Variants in SH3PXD2A observed in about 807,000 individuals in gnomAD.
The protein encoded by SH3PXD2A is SH3 and PX domain-containing protein 2A.
Under a neutral mutation model 115.2 loss-of-function variants are expected in SH3PXD2A, and 32 were observed. That is an observed-to-expected ratio of 0.28 (90% CI 0.21 to 0.37). The LOEUF is 0.37. Ranked by LOEUF, SH3PXD2A falls within the 10% of genes least tolerant of loss-of-function variation. SH3PXD2A has a pLI of 1.00. For synonymous variants in SH3PXD2A, 610 were observed against 629.1 expected, an observed-to-expected ratio of 0.97 and a Z score of 0.45; for missense variants, 1,328 against 1,498.7, an observed-to-expected ratio of 0.89 and a Z score of 1.88.
chr10:103,743,996 A>G (rs1253676894), intron 3 of SH3PXD2A, among the ~76,000 whole-genome samples: 2 of 152,140 alleles, frequency 1.3e-5, no homozygotes, highest in Non-Finnish European at 2.9e-5. Flanking sequence ...AGGGGAGAAG[A>G]ACGGCGGAAC....
At chr10:103,804,802 C>T (rs1008959305) in intron 1 of SH3PXD2A, among the ~76,000 whole-genome samples, 3 of 152,074 alleles carry the variant, frequency 2.0e-5, no homozygotes, top group Admixed American at 6.5e-5. Flanking sequence ...GCTACAAAAC[C>T]GACTGACGGT....
chr10:103,845,794 A>G (rs1842841977), intron 1 of SH3PXD2A, among the ~76,000 whole-genome samples: 1 of 152,152 alleles, frequency 6.6e-6, no homozygotes, highest in African/African-American at 2.4e-5. Context: ...TGGTGATACA[A>G]TACGTGCCAA....
chr10:103,637,531 G>A (rs544670948), intron 8 of SH3PXD2A, among the ~76,000 whole-genome samples: 6 of 152,170 alleles, frequency 3.9e-5, no homozygotes, highest in Non-Finnish European at 5.9e-5. Context: ...ATATAGGCTC[G>A]GGGTGGGTGA....
chr10:103,689,281 A>G (rs779129593), intron 6 of SH3PXD2A, among the ~76,000 whole-genome samples: 21 of 152,012 alleles, frequency 1.4e-4, no homozygotes, highest in Non-Finnish European at 2.9e-4. Context: ...CTTCCTGGAG[A>G]GATGAAGGGG....
At chr10:103,674,607 G>A (rs530880923) in intron 6 of SH3PXD2A, among the ~76,000 whole-genome samples, 3 of 152,304 alleles carry the variant, frequency 2.0e-5, no homozygotes, top group East Asian at 3.9e-4. Context: ...AGATCAGGAG[G>A]TCAGGAGTTT....
At chr10:103,717,074 T>C (rs2038113804) in intron 5 of SH3PXD2A, among the ~76,000 whole-genome samples, 1 of 152,152 alleles carries the variant, frequency 6.6e-6, no homozygotes, top group Admixed American at 6.5e-5. Flanking sequence ...GCAGCAACGA[T>C]TCCCACTCTA....
At chr10:103,753,317 C>CA (rs60364879) in intron 3 of SH3PXD2A, among the ~76,000 whole-genome samples, 6,441 of 62,626 alleles carry the variant, frequency 0.1, 619 homozygotes, top group East Asian at 0.16. Flanking sequence ...CTGCCTCTAC[C>CA]AAAAAAAAAA....
At chr10:103,825,296 C>G (rs767087589) in intron 1 of SH3PXD2A, among the ~76,000 whole-genome samples, 3 of 152,072 alleles carry the variant, frequency 2.0e-5, no homozygotes, top group Non-Finnish European at 4.4e-5. Context: ...TTCATCAGCG[C>G]CCATTACATT....
intron 5 of SH3PXD2A, among the ~76,000 whole-genome samples, chr10:103,715,640 G>A (rs2038096707): frequency 6.6e-6 from 1 of 152,246 alleles, no homozygotes; most frequent in African/African-American, 2.4e-5. Flanking sequence ...GAGAATGGAA[G>A]GCCACGCAGT....
intron 5 of SH3PXD2A, among the ~76,000 whole-genome samples, chr10:103,723,508 G>A (rs1256800842): frequency 6.6e-6 from 1 of 152,130 alleles, no homozygotes; most frequent in Non-Finnish European, 1.5e-5. Flanking sequence ...GGCTGAGTGG[G>A]CCATCTTTAC....
chr10:103,829,079 C>T (rs2039460927), intron 1 of SH3PXD2A, among the ~76,000 whole-genome samples: 1 of 152,166 alleles, frequency 6.6e-6, no homozygotes, highest in African/African-American at 2.4e-5. Flanking sequence ...ATTTTCTTAA[C>T]ACAGTGGAAA....
chr10:103,773,457 TGAGACGGAG>T (rs2038850342), intron 2 of SH3PXD2A, among the ~76,000 whole-genome samples: 1 of 148,768 alleles, frequency 6.7e-6, no homozygotes. Context: ...TTTTTTTTTT[TGAGACGGAG>T]TCTCGCTCTG....
At chr10:103,847,839 T>C in intron 1 of SH3PXD2A, among the ~76,000 whole-genome samples, 1 of 151,898 alleles carries the variant, frequency 6.6e-6, no homozygotes, top group Non-Finnish European at 1.5e-5. Context: ...CTTGGGAGGC[T>C]AAGGCACGAG....
At chr10:103,703,155 T>C (rs1472016142) in intron 5 of SH3PXD2A, among the ~76,000 whole-genome samples, 1 of 152,118 alleles carries the variant, frequency 6.6e-6, no homozygotes, top group Non-Finnish European at 1.5e-5. Flanking sequence ...TTGGCCTCTG[T>C]GGGAAAGAGG....
intron 1 of SH3PXD2A, among the ~76,000 whole-genome samples, chr10:103,840,214 A>G (rs1227007063): frequency 1.3e-5 from 2 of 152,246 alleles, no homozygotes; most frequent in Admixed American, 6.5e-5. Flanking sequence ...CAGCTAAAGC[A>G]ACAGCCTGGC....
intron 5 of SH3PXD2A, among the ~76,000 whole-genome samples, chr10:103,710,274 C>T (rs1262507410): frequency 6.6e-6 from 1 of 152,066 alleles, no homozygotes; most frequent in African/African-American, 2.4e-5. Flanking sequence ...AGTTGGGAGG[C>T]TGAGGCAGGA....
At chr10:103,854,383 G>C (rs1301136687) in intron 1 of SH3PXD2A, among the ~76,000 whole-genome samples, 1 of 152,176 alleles carries the variant, frequency 6.6e-6, no homozygotes, top group Non-Finnish European at 1.5e-5. Context: ...AGGTGTGAGG[G>C]ATGGGAAGAC....
Position 103,602,958 on chromosome 10 carries a change from G to T in SH3PXD2A, c.2260C>A (p.Pro754Thr). The T allele has an allele frequency of 6.2e-7, 1 of 1,614,220 alleles. No individual in the cohort carries two copies. The highest frequency in any genetic ancestry group is 1.1e-5 in the South Asian group (1 of 91,080). ...AGLTSCPRAK[P>T]SVRPKPFLNR... is the part of the protein sequence containing the mutation. ...AGGAATGGCTTGGGCCGGACCGATG[G>T]CTTGGCCCGGGGACAGGAGGTCAGC... Residue 754 changes from proline (P) to threonine (T), a missense_variant, in exon 15 of 15, where the codon CCA becomes ACA. Pro to Thr is a conservative substitution (Grantham distance 38). Coordinates refer to ENST00000369774, the MANE Select transcript of SH3PXD2A (RefSeq NM_001394015.1).
At chr10:103,771,587 A>G (rs1278219951) in intron 2 of SH3PXD2A, among the ~76,000 whole-genome samples, 1 of 152,074 alleles carries the variant, frequency 6.6e-6, no homozygotes, top group Admixed American at 6.6e-5. Flanking sequence ...TACTAAAAAA[A>G]AGTACAAAAA....
Sources: allele counts gnomAD v4.1 joint callset (sites outside exome capture counted in the v4.1 genomes callset), GRCh38; gene constraint gnomAD v4.1.1; transcripts MANE v1.5; gene names NCBI Gene and HGNC (gene_info 2026-07-23, HGNC 2026-07-21).